GSE1: variants seen among roughly 807,000 people sequenced by gnomAD.
The protein encoded by GSE1 is genetic suppressor element 1.
In GSE1, 32 loss-of-function variants were observed where a neutral mutation model predicts 112.6. The observed-to-expected ratio is 0.28, with a 90% CI of 0.21 to 0.38. The LOEUF is 0.38. GSE1 is among the 10% of genes least tolerant of loss of function. The pLI is 1.00. For missense variants in GSE1, 2,348 were observed against 1,699.2 expected, an observed-to-expected ratio of 1.38 and a Z score of -6.71; for synonymous variants, 1,115 against 735.6, an observed-to-expected ratio of 1.52 and a Z score of -8.35.
At position 85,655,804 on chromosome 16, in the gene GSE1, G is replaced by T; in HGVS notation, c.876G>T (p.Leu292=). 2 of 1,604,476 alleles carry T rather than the reference G, an allele frequency of 1.2e-6. No individual in the cohort carries two copies. ...PIPTPGSLPP[L]HPSAMHLHLS... ...CCACCCCCGGCTCCCTGCCCCCACT[G>T]CACCCATCAGCGATGCACCTGCACC... Residue 292 remains leucine, a synonymous_variant, in exon 6 of 16, where the codon CTG becomes CTT. Coordinates refer to ENST00000253458, the MANE Select transcript of GSE1 (RefSeq NM_014615.5).
At chr16:85,265,992 C>T (rs544997218) in intron 1 of GSE1, among the ~76,000 whole-genome samples, 1 of 152,298 alleles carries the variant, frequency 6.6e-6, no homozygotes, top group East Asian at 1.9e-4. Flanking sequence ...GCTGGGTGGC[C>T]TGCGGGTCCT....
At chr16:85,660,555 C>T (rs913203443) in intron 8 of GSE1, among the ~76,000 whole-genome samples, 1 of 152,152 alleles carries the variant, frequency 6.6e-6, no homozygotes. Context: ...TGGAGAAGCG[C>T]TTGAACCTGG....
intron 1 of GSE1, among the ~76,000 whole-genome samples, chr16:85,267,091 A>C (rs1908325568): frequency 6.6e-6 from 1 of 152,136 alleles, no homozygotes; most frequent in East Asian, 1.9e-4. Flanking sequence ...TTATGTGGAA[A>C]ATTGGAAGAA....
At chr16:85,305,504 G>T (rs892956486) in intron 1 of GSE1, among the ~76,000 whole-genome samples, 1 of 151,604 alleles carries the variant, frequency 6.6e-6, no homozygotes, top group Non-Finnish European at 1.5e-5. Context: ...TTTTTGAGAC[G>T]GAGTCTTGCT....
At chr16:85,509,535 G>GC (rs1297126967) in intron 2 of GSE1, among the ~76,000 whole-genome samples, 7 of 152,256 alleles carry the variant, frequency 4.6e-5, no homozygotes, top group African/African-American at 1.7e-4. Flanking sequence ...CGTTTGGCCA[G>GC]CGACCCCTGG....
chr16:85,226,545 G>A (rs2075488748), intron 1 of GSE1, among the ~76,000 whole-genome samples: 1 of 152,212 alleles, frequency 6.6e-6, no homozygotes, highest in South Asian at 2.1e-4. Context: ...GCTGCCTACA[G>A]CTGTGTGTCT....
rs183955404 is a variant in GSE1, at chr16:85,319,016, T to C, written c.2284-38447T>C. Among the ~76,000 whole-genome samples, 1,522 of 152,290 alleles carry C rather than the reference T, an allele frequency of 1.0e-2. 12 individuals carry two copies. Among genetic ancestry groups the C allele is most frequent in the Non-Finnish European group, 0.019 (1,264 of 68,018 alleles). The stretch of plus-strand genomic sequence containing the variant: ...CGCATCACCTGGTGTCTGGTGTCCT[T>C]TGGAAAGCGAGCATCATCTGTATCT... On this transcript the variant is annotated intron_variant, in intron 1 of 2. Coordinates refer to the GSE1 transcript ENST00000637419.
intron 1 of GSE1, among the ~76,000 whole-genome samples, chr16:85,238,520 G>T (rs1239455080): frequency 6.6e-6 from 1 of 152,180 alleles, no homozygotes; most frequent in African/African-American, 2.4e-5. Flanking sequence ...TGTGTCCTGG[G>T]AAGGGGCGTT....
At chr16:85,198,907 T>C (rs1190987389) in intron 1 of GSE1, among the ~76,000 whole-genome samples, 1 of 150,920 alleles carries the variant, frequency 6.6e-6, no homozygotes, top group East Asian at 2.0e-4. Flanking sequence ...GCCTCTGGAG[T>C]GGCTGGGACT....
At position 85,656,597 on chromosome 16, in the gene GSE1, A is replaced by G; in HGVS notation, c.1244A>G (p.His415Arg). The G allele has an allele frequency of 6.5e-7, 1 of 1,546,716 alleles. No homozygotes were observed. Among genetic ancestry groups the G allele is most frequent in the Non-Finnish European group, 8.7e-7 (1 of 1,145,400 alleles). Residue 415 changes from histidine to arginine, a missense_variant, in exon 7 of 16, where the codon CAT becomes CGT. His to Arg is a conservative substitution (Grantham distance 29). Coordinates refer to ENST00000253458, the MANE Select transcript of GSE1 (RefSeq NM_014615.5). ...EPSFLPVAEL[H>R]GLRGHATEER... ...AGCTTCCTGCCCGTGGCCGAGCTGC[A>G]TGGGCTGCGTGGCCATGCCACTGAG... is the stretch of plus-strand genomic sequence containing the variant.
intron 15 of GSE1, among the ~76,000 whole-genome samples, chr16:85,671,427 G>C (rs1021934913): frequency 1.2e-5 from 1 of 82,300 alleles, no homozygotes; most frequent in Non-Finnish European, 2.3e-5. Context: ...GCGACAGAGC[G>C]AGACTCCGTC....
At position 85,661,470 on chromosome 16, in the gene GSE1, A is replaced by C. The variant is rs759553090; in HGVS notation, c.1965A>C (p.Pro655=). ...ACAAGTACCAGCCACCTCCGCCGCCACCACGAGAGGGAGGGAGCCTGGAGC... is the reference window on the plus strand; with the variant it reads ...ACAAGTACCAGCCACCTCCGCCGCCCCCACGAGAGGGAGGGAGCCTGGAGC... The part of the protein sequence containing the change: ...PLDKYQPPPP[P]PREGGSLEHQ... Residue 655 remains proline, a synonymous_variant, in exon 9 of 16, where the codon CCA becomes CCC. Transcript: ENST00000253458. 91 of 1,611,454 alleles carry C rather than the reference A, an allele frequency of 5.6e-5. No homozygotes were observed. The highest frequency in any genetic ancestry group is 7.1e-5 in the Non-Finnish European group (84 of 1,179,374).
At chr16:85,667,733 C>T (rs1388894581) in intron 13 of GSE1, among the ~76,000 whole-genome samples, 1 of 152,172 alleles carries the variant, frequency 6.6e-6, no homozygotes, top group East Asian at 1.9e-4. Context: ...GTGGCACATG[C>T]GTGTAATTCC....
At position 85,224,301 on chromosome 16, in the gene GSE1, C is replaced by CAAAAAA. The variant is rs55755242; in HGVS notation, c.2283+52519_2283+52524dup. 1.6e-3 allele frequency among the ~76,000 whole-genome samples: 63 copies of CAAAAAA among 38,806 alleles called. 3 individuals are homozygous for CAAAAAA. The highest frequency in any genetic ancestry group is 4.4e-3 in the African/African-American group (41 of 9,214). The allele number at this position is 38,806 out of a possible 152,430, so 25.5% of individuals were successfully genotyped here. A position where few individuals can be genotyped will look rare whatever the true frequency, so the allele number is the denominator to read the frequency against. Reference sequence around the variant, plus strand: ...TGAAACCCTATCTCTACTAAAAATACAAAAAAAAAAAAAAAAAAAAAAAAA... The same window carrying CAAAAAA: ...TGAAACCCTATCTCTACTAAAAATACAAAAAAAAAAAAAAAAAAAAAAAAAAAAAAA... On this transcript the variant is annotated intron_variant, in intron 1 of 2. Coordinates refer to the GSE1 transcript ENST00000637419.
intron 1 of GSE1, among the ~76,000 whole-genome samples, chr16:85,179,039 AAGTGTAC>A (rs1384641106): frequency 1.3e-5 from 2 of 152,030 alleles, no homozygotes; most frequent in Non-Finnish European, 2.9e-5. Context: ...CACCCTTTGA[AAGTGTAC>A]AGTTCAGTGG....
intron 1 of GSE1, among the ~76,000 whole-genome samples, chr16:85,272,403 G>A (rs924508289): frequency 3.9e-5 from 6 of 152,212 alleles, no homozygotes; most frequent in African/African-American, 9.7e-5. Context: ...ATCTGGTTTT[G>A]TTTCTACTTA....
intron 1 of GSE1, among the ~76,000 whole-genome samples, chr16:85,233,404 C>T (rs145566604): frequency 2.9e-3 from 441 of 152,256 alleles, no homozygotes; most frequent in African/African-American, 1.0e-2. Context: ...GGAGGCTGGG[C>T]GGGGTGGTTC....
At chr16:85,599,957 G>T (rs2047391027) in intron 1 of GSE1, among the ~76,000 whole-genome samples, 1 of 152,214 alleles carries the variant, frequency 6.6e-6, no homozygotes, top group Non-Finnish European at 1.5e-5. Context: ...TCTCTAAAAT[G>T]GGAGGGCGGC....
In GSE1 at chr16:85,672,557, G is replaced by A. The variant is rs746161342; in HGVS notation, c.*18G>A. The A allele has an allele frequency of 1.7e-5, 26 of 1,561,652 alleles. No homozygotes were observed. Among genetic ancestry groups the A allele is most frequent in the Admixed American group, 3.6e-5 (2 of 56,130 alleles). ...CCAGGTGACGGTTTCCCTTGCACTA[G>A]GCCGAACCTATAGTATAGAAATATT... On this transcript the variant is annotated 3_prime_UTR_variant, in exon 16 of 16. Transcript: ENST00000253458.
Sources: allele counts gnomAD v4.1 joint callset (sites outside exome capture counted in the v4.1 genomes callset), GRCh38; gene constraint gnomAD v4.1.1; transcripts MANE v1.5; gene names NCBI Gene and HGNC (gene_info 2026-07-23, HGNC 2026-07-21).